Variants in GNA11 observed in about 807,000 individuals in gnomAD.
GNA11 encodes the protein G protein subunit alpha 11.
Under a neutral mutation model 38.2 loss-of-function variants are expected in GNA11, and 8 were observed. The ratio of observed to expected loss-of-function variants is 0.21; its 90% CI spans 0.12 to 0.38. GNA11 has a LOEUF of 0.38. Ranked by LOEUF, GNA11 falls within the 10% of genes least tolerant of loss-of-function variation. The pLI, the probability that GNA11 is intolerant of heterozygous loss-of-function variation, is 1.00. For synonymous variants in GNA11, 211 were observed against 221.4 expected (o/e 0.95, Z 0.42); for missense variants, 268 against 516.3 (o/e 0.52, Z 4.66).
At chr19:3,100,670 G>A (rs374651061) in intron 1 of GNA11, among the ~76,000 whole-genome samples, 12 of 152,176 alleles carry the variant, frequency 7.9e-5, no homozygotes, top group South Asian at 2.1e-4. Flanking sequence ...GCTCTCAGAA[G>A]CTTCTTTCTG....
At chr19:3,101,612 CTT>C (rs1913509791) in intron 1 of GNA11, among the ~76,000 whole-genome samples, 1 of 152,158 alleles carries the variant, frequency 6.6e-6, no homozygotes, top group African/African-American at 2.4e-5. Context: ...ATCCCACACT[CTT>C]TGGCGATGGT....
Position 3,094,593 on chromosome 19 carries a change from CGGGCCGG to C in GNA11, c.-48_-42del, listed in dbSNP as rs1913313324. On this transcript the variant is annotated 5_prime_UTR_variant, in exon 1 of 7. Transcript: ENST00000078429. The surrounding 1 kb of genome is among the most constrained non-coding windows in gnomAD (Gnocchi z 6.0). ...CGGCCGAGGCGGCTCCGGCCAGGGC[CGGGCCGG>C]GGGCCGGGGGGCGGCGGCGGGCAGG... 2 of 902,746 alleles carry C rather than the reference CGGGCCGG, an allele frequency of 2.2e-6. No homozygotes were observed. The highest frequency in any genetic ancestry group is 1.8e-5 in the African/African-American group (1 of 54,334). The allele number at this position is 902,746 out of a possible 1,614,324, so 55.9% of individuals were successfully genotyped here. A position where few individuals can be genotyped will look rare whatever the true frequency, so the allele number is the denominator to read the frequency against.
Position 3,110,426 on chromosome 19 carries a change from C to CG in GNA11, c.321+98dup. The CG allele has an allele frequency of 9.7e-7, 1 of 1,029,576 alleles. No homozygotes were observed. Among genetic ancestry groups the CG allele is most frequent in the Non-Finnish European group, 1.4e-6 (1 of 690,982 alleles). The allele number at this position is 1,029,576 out of a possible 1,614,324, so 63.8% of individuals were successfully genotyped here. A position where few individuals can be genotyped will look rare whatever the true frequency, so the allele number is the denominator to read the frequency against. ...CCGCGCTGCCAGGGTGGGGCCATGC[C>CG]GGGGGTCCCGGCCGGCCCAGGCTAC... On this transcript the variant is annotated intron_variant, in intron 2 of 6. Transcript: ENST00000078429. The surrounding 1 kb of genome is among the most constrained non-coding windows in gnomAD (Gnocchi z 5.4).
intron 1 of GNA11, among the ~76,000 whole-genome samples, chr19:3,106,867 C>T (rs1027876423): frequency 6.6e-6 from 1 of 152,252 alleles, no homozygotes; most frequent in Non-Finnish European, 1.5e-5. Flanking sequence ...ATCAGTGTAT[C>T]CATATTGCCT....
chr19:3,102,129 C>CAA lies in GNA11; in HGVS notation c.136+7351_136+7352dup, dbSNP rs373790541. On this transcript the variant is annotated intron_variant, in intron 1 of 6. Transcript: ENST00000078429. ...AAACAAACAAACAAAACAAAACAAA[C>CAA]AAAAAAAAAACGTAGAAAACATGAG... Among the ~76,000 whole-genome samples the CAA allele has an allele frequency of 2.9e-3, 429 of 147,822 alleles. 3 individuals are homozygous for CAA. Among genetic ancestry groups the CAA allele is most frequent in the African/African-American group, 9.8e-3 (395 of 40,416 alleles).
rs955744611 is a variant in GNA11 at position 3,121,734 on chromosome 19, C to T, written c.*555C>T. 1.7e-5 allele frequency: 4 copies of T among 232,860 alleles called. No homozygotes were observed. Among genetic ancestry groups the T allele is most frequent in the Non-Finnish European group, 3.4e-5 (4 of 117,866 alleles). The allele number at this position is 232,860 out of a possible 1,614,324, so 14.4% of individuals were successfully genotyped here. A position where few individuals can be genotyped will look rare whatever the true frequency, so the allele number is the denominator to read the frequency against. On this transcript the variant is annotated 3_prime_UTR_variant, in exon 7 of 7. Transcript: ENST00000078429. ...CCTTTTTTAAGTTATTGACGCCCAG[C>T]GCGCCTCGCCTCTTCACCCATCAAC...
chr19:3,094,469 G>T lies in GNA11; in HGVS notation c.-183G>T. On this transcript the variant is annotated 5_prime_UTR_variant, in exon 1 of 7. Coordinates refer to ENST00000078429, the MANE Select transcript of GNA11 (RefSeq NM_002067.5). The surrounding 1 kb of genome is among the most constrained non-coding windows in gnomAD (Gnocchi z 6.0). Reference sequence around the variant, plus strand: ...CGGGAGTCCGCGGCTGGCGCGGCCCGAGCGGGGACCCGGCGGCTCGCCAGG... The same window carrying T: ...CGGGAGTCCGCGGCTGGCGCGGCCCTAGCGGGGACCCGGCGGCTCGCCAGG... 1.4e-5 allele frequency: 2 copies of T among 147,066 alleles called. No individual in the cohort carries two copies. Among genetic ancestry groups the T allele is most frequent in the South Asian group, 3.7e-4 (2 of 5,420 alleles). The allele number at this position is 147,066 out of a possible 1,614,324, so 9.1% of individuals were successfully genotyped here. A position where few individuals can be genotyped will look rare whatever the true frequency, so the allele number is the denominator to read the frequency against.
rs1365460047 is a variant in GNA11 at position 3,110,772 on chromosome 19, C to T, written c.321+439C>T. ...TCACCCATGGGGCTGTACTTCTCAC[C>T]TTCTCACACTGTTTTTTTGTTTTGT... On this transcript the variant is annotated intron_variant, in intron 2 of 6. Coordinates refer to ENST00000078429, the MANE Select transcript of GNA11 (RefSeq NM_002067.5). This position sits in a 1 kb window ranked among gnomAD's most constrained non-coding sequence, Gnocchi z 5.4. Among the ~76,000 whole-genome samples the T allele has an allele frequency of 6.6e-6, 1 of 151,392 alleles. No individual in the cohort carries two copies. The highest frequency in any genetic ancestry group is 6.6e-5 in the Admixed American group (1 of 15,188).
In GNA11 at chr19:3,122,636, G is replaced by A. The variant is rs181431730; in HGVS notation, c.*1457G>A. On this transcript the variant is annotated 3_prime_UTR_variant, in exon 7 of 7. Transcript: ENST00000078429. This position sits in a 1 kb window ranked among gnomAD's most constrained non-coding sequence, Gnocchi z 7.7. ...ACAGCGCCCTGTGGTTCCGGGCTTC[G>A]CACAGCTGTCCCAGGGATGGATCGC... The A allele has an allele frequency of 2.1e-4, 49 of 233,392 alleles. No homozygotes were observed. The highest frequency in any genetic ancestry group is 8.6e-4 in the African/African-American group (39 of 45,470). 14.5% of individuals were successfully genotyped at this position (233,392 alleles called of 1,614,324 possible).
At chr19:3,114,074 C>T (rs1913846908) in intron 3 of GNA11, among the ~76,000 whole-genome samples, 1 of 152,180 alleles carries the variant, frequency 6.6e-6, no homozygotes, top group Admixed American at 6.5e-5. Flanking sequence ...GGCCCCGGCC[C>T]TCCCCCAGCA....
chr19:3,095,269 T>C (rs1318125412), intron 1 of GNA11, among the ~76,000 whole-genome samples: 2 of 152,134 alleles, frequency 1.3e-5, no homozygotes, highest in South Asian at 2.1e-4. Context: ...GCTGTCTACA[T>C]TGGGCCTCCA....
At chr19:3,097,210 C>G (rs1166421491) in intron 1 of GNA11, among the ~76,000 whole-genome samples, 3 of 150,422 alleles carry the variant, frequency 2.0e-5, no homozygotes, top group Non-Finnish European at 4.5e-5. Context: ...TGGGCTGCAG[C>G]AGGTGGCTAT....
chr19:3,109,578 C>T (rs950470852), intron 1 of GNA11, among the ~76,000 whole-genome samples: 1 of 152,214 alleles, frequency 6.6e-6, no homozygotes, highest in African/African-American at 2.4e-5. Context: ...CGCCACAGCA[C>T]CAAGAGGGAG....
At chr19:3,096,352 C>T (rs545469905) in intron 1 of GNA11, among the ~76,000 whole-genome samples, 17 of 152,320 alleles carry the variant, frequency 1.1e-4, no homozygotes, top group Non-Finnish European at 1.8e-4. Context: ...CGCGTGGTGG[C>T]ACTTTGCACA....
intron 1 of GNA11, among the ~76,000 whole-genome samples, chr19:3,103,855 T>C (rs1913569162): frequency 6.6e-6 from 1 of 151,912 alleles, no homozygotes; most frequent in Non-Finnish European, 1.5e-5. Context: ...CCGGCTAATT[T>C]TTTGTAGTTT....
intron 1 of GNA11, among the ~76,000 whole-genome samples, chr19:3,103,772 C>A (rs1396189928): frequency 6.6e-6 from 1 of 151,234 alleles, no homozygotes; most frequent in Non-Finnish European, 1.5e-5. Flanking sequence ...GGCACGATCT[C>A]AGCTCACCAC....
chr19:3,107,155 G>C (rs1568281067), intron 1 of GNA11, among the ~76,000 whole-genome samples: 4 of 152,162 alleles, frequency 2.6e-5, no homozygotes, highest in Admixed American at 6.5e-5. Context: ...AGAAACACTT[G>C]GGCCCGGGAG....
intron 2 of GNA11, among the ~76,000 whole-genome samples, 180 bp from the exon 3 acceptor site, chr19:3,113,150 C>T (rs769490519): frequency 3.9e-5 from 6 of 152,254 alleles, no homozygotes; most frequent in Non-Finnish European, 8.8e-5. Flanking sequence ...GGAACCACAC[C>T]GCCAGGCGGC....
At chr19:3,098,966 G>A (rs989477620) in intron 1 of GNA11, among the ~76,000 whole-genome samples, 10 of 152,324 alleles carry the variant, frequency 6.6e-5, no homozygotes, top group South Asian at 2.1e-4. Flanking sequence ...GGGAAGCTCC[G>A]TTCCACAGCT....
Sources: allele counts gnomAD v4.1 joint callset (sites outside exome capture counted in the v4.1 genomes callset), GRCh38; gene constraint gnomAD v4.1.1; non-coding constraint Gnocchi (gnomAD v3.1); transcripts MANE v1.5; gene names NCBI Gene and HGNC (gene_info 2026-07-23, HGNC 2026-07-21).